The following UBQLN1 variants were observed in gnomAD, a reference collection of about 807,000 sequenced individuals.
UBQLN1 encodes the protein ubiquilin 1.
In UBQLN1, 13 loss-of-function variants were observed where a neutral mutation model predicts 65.4. The ratio of observed to expected loss-of-function variants is 0.20; its 90% CI spans 0.13 to 0.32. UBQLN1 has a LOEUF of 0.32. Among genes scored for constraint, UBQLN1 ranks in the 10% least tolerant of loss-of-function variants. UBQLN1 has a pLI of 1.00. For synonymous variants in UBQLN1, 267 were observed against 247.8 expected (o/e 1.08, Z -0.73); for missense variants, 561 against 724.0 (o/e 0.77, Z 2.58).
chr9:83,668,345 TA>T (rs1831676133), intron 7 of UBQLN1: 1 of 985,286 alleles, frequency 1.0e-6, no homozygotes, highest in Non-Finnish European at 1.2e-6. Flanking sequence ...AGATTAACTA[TA>T]AAGTCTTCCA....
intron 2 of UBQLN1, among the ~76,000 whole-genome samples, chr9:83,685,651 A>G (rs1832028579): frequency 6.6e-6 from 1 of 151,992 alleles, no homozygotes; most frequent in Non-Finnish European, 1.5e-5. Context: ...AGACTTAAAG[A>G]AATATGATTA....
intron 3 of UBQLN1, 82 bp from the exon 4 acceptor site, chr9:83,680,119 A>G: frequency 7.1e-7 from 1 of 1,410,420 alleles, no homozygotes; most frequent in Non-Finnish European, 9.6e-7. Context: ...AAGATGCAAA[A>G]AAGTATTAGC....
At chr9:83,703,597 T>C (rs1415104072) in intron 1 of UBQLN1, among the ~76,000 whole-genome samples, 2 of 152,126 alleles carry the variant, frequency 1.3e-5, no homozygotes, top group Non-Finnish European at 2.9e-5. Context: ...ACTCAAAACC[T>C]GTATTACAAA....
intron 1 of UBQLN1, among the ~76,000 whole-genome samples, chr9:83,705,062 G>A (rs1461708660): frequency 6.6e-6 from 1 of 151,944 alleles, no homozygotes; most frequent in East Asian, 1.9e-4. Context: ...CTAGAAAAGA[G>A]ATCCGAGAGC....
intron 4 of UBQLN1, among the ~76,000 whole-genome samples, chr9:83,679,247 T>C (rs1831898621): frequency 6.6e-6 from 1 of 152,242 alleles, no homozygotes; most frequent in East Asian, 1.9e-4. Context: ...ATGACCCATC[T>C]GCTTTTTGTT....
At chr9:83,678,634 A>G in intron 4 of UBQLN1, 35 bp from the exon 5 acceptor site, 2 of 1,580,008 alleles carry the variant, frequency 1.3e-6, no homozygotes, top group Non-Finnish European at 8.6e-7. Context: ...GAAAAAAAAA[A>G]GGCATTGAAA....
At chr9:83,704,824 C>CA (rs780432842) in intron 1 of UBQLN1, among the ~76,000 whole-genome samples, 1,700 of 69,264 alleles carry the variant, frequency 0.025, 75 homozygotes, top group East Asian at 0.057. Context: ...GACTCCATCT[C>CA]AAAAAAAAAA....
chr9:83,669,682 C>G (rs1035871255), intron 6 of UBQLN1, among the ~76,000 whole-genome samples: 2 of 152,202 alleles, frequency 1.3e-5, no homozygotes, highest in Admixed American at 1.3e-4. Context: ...TCCTCCAAGA[C>G]TGCAAAGAAT....
intron 6 of UBQLN1, among the ~76,000 whole-genome samples, chr9:83,675,468 C>CAACAAAA (rs1831817071): frequency 7.1e-6 from 1 of 140,808 alleles, no homozygotes. Context: ...CCTATGCCGT[C>CAACAAAA]AAAAAAAAAA....
intron 1 of UBQLN1, among the ~76,000 whole-genome samples, chr9:83,707,230 A>C (rs911648617): frequency 1.4e-4 from 21 of 151,966 alleles, no homozygotes; most frequent in African/African-American, 4.8e-4. Context: ...CTGGGGGAGG[A>C]GGCTGAGGGT....
chr9:83,697,379 C>T (rs1322577913), intron 1 of UBQLN1, among the ~76,000 whole-genome samples: 2 of 150,648 alleles, frequency 1.3e-5, no homozygotes, highest in African/African-American at 2.4e-5. Context: ...AATGAAACCC[C>T]GTCTCTACTA....
At chr9:83,689,284 T>G (rs1266791908) in intron 1 of UBQLN1, among the ~76,000 whole-genome samples, 3 of 152,254 alleles carry the variant, frequency 2.0e-5, no homozygotes, top group Non-Finnish European at 4.4e-5. Flanking sequence ...TGCCATTGTA[T>G]GAATATACCA....
At chr9:83,663,808 T>C (rs953967291) in intron 10 of UBQLN1, 67 bp downstream of exon 10, 14 of 1,543,174 alleles carry the variant, frequency 9.1e-6, no homozygotes, top group African/African-American at 2.8e-5. Flanking sequence ...CCTTTTTCCT[T>C]CTTTTTGGAA....
chr9:83,706,948 AT>A (rs57176325), intron 1 of UBQLN1, among the ~76,000 whole-genome samples: 16 of 151,914 alleles, frequency 1.1e-4, no homozygotes, highest in East Asian at 7.7e-4. Flanking sequence ...CTACGTCATA[AT>A]TTTTTTTTAA....
Position 83,661,668 on chromosome 9 carries a change from T to A in UBQLN1, c.*119A>T. On this transcript the variant is annotated 3_prime_UTR_variant, in exon 11 of 11. Transcript: ENST00000376395. ...GTACTCCACCTTAAAATGCATCATATTGGGTTTGTTTATAACAGCACAGAA... is the reference window on the plus strand; with the variant it reads ...GTACTCCACCTTAAAATGCATCATAATGGGTTTGTTTATAACAGCACAGAA... The A allele has an allele frequency of 9.1e-7, 1 of 1,102,574 alleles. No homozygotes were observed. Among genetic ancestry groups the A allele is most frequent in the Non-Finnish European group, 1.3e-6 (1 of 794,890 alleles). The allele number at this position is 1,102,574 out of a possible 1,614,324, so 68.3% of individuals were successfully genotyped here.
rs202217041 is a variant in UBQLN1, at chr9:83,679,678, T to C, written c.711+97A>G. 5.2e-5 allele frequency: 69 copies of C among 1,320,954 alleles called. 1 individual carries two copies. In the East Asian group the frequency reaches 1.6e-3, roughly 30 times the overall value. 81.8% of individuals were successfully genotyped at this position (1,320,954 alleles called of 1,614,324 possible). Reference sequence around the variant, plus strand: ...CAAGATAAGGATTTCTCTCTTTAGCTTAACCATACATACAGGACAATCTCA... The same window carrying C: ...CAAGATAAGGATTTCTCTCTTTAGCCTAACCATACATACAGGACAATCTCA... On this transcript the variant is annotated intron_variant, in intron 4 of 10. Coordinates refer to ENST00000376395, the MANE Select transcript of UBQLN1 (RefSeq NM_013438.5).
intron 8 of UBQLN1, 88 bp from the exon 9 acceptor site, chr9:83,665,233 G>A (rs1278108590): frequency 1.0e-6 from 1 of 1,004,216 alleles, no homozygotes; most frequent in Non-Finnish European, 1.5e-6. Context: ...TGCTTCTGGA[G>A]AAAATCTAAA....
At chr9:83,668,041 C>T (rs1019069689) in intron 7 of UBQLN1, 1 of 985,138 alleles carries the variant, frequency 1.0e-6, no homozygotes. Context: ...TCAGTATTAG[C>T]CAAATACACA....
intron 1 of UBQLN1, among the ~76,000 whole-genome samples, chr9:83,698,026 A>G (rs1832249001): frequency 6.6e-6 from 1 of 152,020 alleles, no homozygotes; most frequent in Admixed American, 6.6e-5. Context: ...ATGAGCCACC[A>G]TGCCTGGCCA....
Sources: allele counts gnomAD v4.1 joint callset (sites outside exome capture counted in the v4.1 genomes callset), GRCh38; gene constraint gnomAD v4.1.1; transcripts MANE v1.5; gene names NCBI Gene and HGNC (gene_info 2026-07-23, HGNC 2026-07-21).